The following CCAR1 variants were observed in gnomAD, a reference collection of about 807,000 sequenced individuals.
CCAR1 encodes cell division cycle and apoptosis regulator 1.
In CCAR1, 78 loss-of-function variants were observed where a neutral mutation model predicts 163.8. The ratio of observed to expected loss-of-function variants is 0.48; its 90% CI spans 0.40 to 0.57. The LOEUF is 0.57. CCAR1 is among the 20% of genes least tolerant of loss of function. The probability of loss-of-function intolerance (pLI) is 0.00; values close to 1 mark genes in which losing one functional copy is unlikely to be tolerated. For synonymous variants in CCAR1, 443 were observed against 460.7 expected (o/e 0.96, Z 0.49); for missense variants, 1,019 against 1,365.2 (o/e 0.75, Z 4.00).
At chr10:68,745,388 A>G (rs1242532713) in intron 6 of CCAR1, among the ~76,000 whole-genome samples, 1 of 151,414 alleles carries the variant, frequency 6.6e-6, no homozygotes, top group African/African-American at 2.4e-5. Context: ...TGCAGCCTCA[A>G]ATTCCCAGGT....
intron 2 of CCAR1, among the ~76,000 whole-genome samples, chr10:68,725,066 G>A (rs1011082882): frequency 3.9e-5 from 6 of 152,102 alleles, no homozygotes; most frequent in South Asian, 2.1e-4. Context: ...TGAACCCGGC[G>A]GAGGTTGCGG....
rs1446614144 is a variant in CCAR1 at position 68,742,468 on chromosome 10, A to G, written c.417A>G (p.Gln139=). 2 of 1,614,234 alleles carry G rather than the reference A, an allele frequency of 1.2e-6. No homozygotes were observed. Among genetic ancestry groups the G allele is most frequent in the South Asian group, 1.1e-5 (1 of 91,086 alleles). ...TVSYPTPRSS[Q]QQTQPQKQRV... The stretch of plus-strand genomic sequence containing the variant: ...CATATCCAACACCAAGGTCCAGTCA[A>G]CAGCAAACCCAGCCTCAGAAGCAGC... The change falls in exon 6 of 25, where the codon CAA becomes CAG. Residue 139 remains glutamine (Q), a synonymous_variant. Transcript: ENST00000265872.
chr10:68,721,605 G>T, intron 1 of CCAR1: 1 of 446,460 alleles, frequency 2.2e-6, no homozygotes, highest in Non-Finnish European at 4.5e-6. Flanking sequence ...TGGCCCCCCG[G>T]CCCGGGACAT....
At chr10:68,774,936 G>GTTT (rs571785279) in intron 19 of CCAR1, 19 of 311,974 alleles carry the variant, frequency 6.1e-5, no homozygotes, top group East Asian at 2.3e-4. Context: ...AGTTCTTTTT[G>GTTT]TTTTTTTTTT....
chr10:68,726,672 C>G (rs1375198109), intron 2 of CCAR1, among the ~76,000 whole-genome samples: 1 of 152,042 alleles, frequency 6.6e-6, no homozygotes, highest in Non-Finnish European at 1.5e-5. Flanking sequence ...TCCATCAGAT[C>G]TGATATTCCT....
chr10:68,745,675 T>G (rs1402449511), intron 6 of CCAR1, among the ~76,000 whole-genome samples: 9 of 151,258 alleles, frequency 6.0e-5, no homozygotes, highest in Admixed American at 5.9e-4. Context: ...TGTTGACCAG[T>G]CTGGTCTTGA....
chr10:68,749,543 A>G lies in CCAR1; in HGVS notation c.976A>G (p.Arg326Gly), dbSNP rs2056304037. 1.2e-6 allele frequency: 2 copies of G among 1,613,034 alleles called. No homozygotes were observed. Among genetic ancestry groups the G allele is most frequent in the South Asian group, 1.1e-5 (1 of 90,844 alleles). Residue 326 changes from arginine to glycine, a missense_variant, in exon 10 of 25, where the codon AGA (arginine) becomes GGA (glycine). Physicochemically the swap from Arg to Gly is moderately radical, Grantham distance 125. Around this residue, in one of 4 missense-constraint regions of CCAR1, gnomAD observed 644 missense variants for 904.4 expected, o/e 0.71. Transcript: ENST00000265872. ...TTTCAGTCGTGAGAGAGAGAGAGAA[A>G]GACGTAGATCGAGAGAAAGATCACC... is the stretch of plus-strand genomic sequence containing the variant. ...DDRSRERERE[R>G]RRSRERSPQR... is the part of the protein sequence containing the mutation.
At chr10:68,787,539 A>G (rs1199449819) in intron 21 of CCAR1, among the ~76,000 whole-genome samples, 3 of 152,070 alleles carry the variant, frequency 2.0e-5, no homozygotes, top group Non-Finnish European at 2.9e-5. Flanking sequence ...GATTTCCATC[A>G]TAAGTGAAAA....
chr10:68,775,319 A>G (rs902786111), intron 19 of CCAR1, among the ~76,000 whole-genome samples: 2 of 152,134 alleles, frequency 1.3e-5, no homozygotes, highest in African/African-American at 4.8e-5. Flanking sequence ...CAGTGACATA[A>G]TATTCATACA....
intron 16 of CCAR1, among the ~76,000 whole-genome samples, chr10:68,762,050 C>T (rs941432503): frequency 1.3e-5 from 2 of 151,950 alleles, no homozygotes; most frequent in African/African-American, 4.8e-5. Context: ...GGTAAAAAGG[C>T]CGGGAGCGGT....
At chr10:68,737,161 CT>C in intron 3 of CCAR1, 113 bp downstream of exon 3, 1 of 742,866 alleles carries the variant, frequency 1.3e-6, no homozygotes, top group East Asian at 2.7e-5. Flanking sequence ...TTTTATTATG[CT>C]GATTTCTTTT....
At position 68,757,705 on chromosome 10, in the gene CCAR1, C is replaced by T. The variant is rs1386360877; in HGVS notation, c.1920+328C>T. ...TGCTGGGATTACAGGCATGAGCTGC[C>T]GTGCCTGGCCAATTGTATTTATATA... is the stretch of plus-strand genomic sequence containing the variant. On this transcript the variant is annotated intron_variant, in intron 15 of 24. Coordinates refer to ENST00000265872, the MANE Select transcript of CCAR1 (RefSeq NM_018237.4). 2.6e-5 allele frequency among the ~76,000 whole-genome samples: 4 copies of T among 152,078 alleles called. No homozygotes were observed. The East Asian group carries it at 5.8e-4, about 22-fold the overall frequency.
intron 6 of CCAR1, among the ~76,000 whole-genome samples, chr10:68,745,075 G>T (rs529192886): frequency 2.0e-5 from 3 of 151,912 alleles, no homozygotes; most frequent in African/African-American, 7.3e-5. Context: ...GTGCAATCTT[G>T]GCTCACTGTA....
In CCAR1 at chr10:68,747,404, ACTC is replaced by A; in HGVS notation, c.670_672del (p.Pro224del). 2 of 1,613,418 alleles carry A rather than the reference ACTC, an allele frequency of 1.2e-6. No individual in the cohort carries two copies. Among genetic ancestry groups the A allele is most frequent in the African/African-American group, 1.3e-5 (1 of 74,822 alleles). On this transcript the variant is annotated inframe_deletion, in exon 8 of 25. Transcript: ENST00000265872. ...GTCGCAAACCCAGCCATTACTGAAG[ACTC>A]CTCCTGCTGTACTTCAGCCAATTGC...
chr10:68,777,345 A>G (rs766252024), intron 19 of CCAR1, among the ~76,000 whole-genome samples: 9 of 152,090 alleles, frequency 5.9e-5, no homozygotes, highest in East Asian at 5.8e-4. Context: ...CTTTTGTTCA[A>G]ATTCTTCCAG....
At chr10:68,790,987 C>T (rs1231350955) in intron 24 of CCAR1, among the ~76,000 whole-genome samples, 3 of 151,952 alleles carry the variant, frequency 2.0e-5, no homozygotes. Context: ...CATGAGCCAC[C>T]ACACCTGCCC....
In CCAR1 at chr10:68,761,135, G is replaced by A. The variant is rs377429137; in HGVS notation, c.2049G>A (p.Glu683=). The change falls in exon 16 of 25, where the codon GAG becomes GAA. Residue 683 remains glutamate, a synonymous_variant. Coordinates refer to ENST00000265872, the MANE Select transcript of CCAR1 (RefSeq NM_018237.4). ...EEQKEEQKEL[E]KSEKEEDEDD... ...AAAAAGAAGAACAGAAGGAGTTAGA[G>A]AAATCTGAAAAAGAAGAGGATGAGG... 3.8e-5 allele frequency: 61 copies of A among 1,609,296 alleles called. No homozygotes were observed. The highest frequency in any genetic ancestry group is 5.1e-5 in the Admixed American group (3 of 58,872).
At position 68,749,697 on chromosome 10, in the gene CCAR1, C is replaced by A. The variant is rs753932151; in HGVS notation, c.1118+12C>A. On this transcript the variant is annotated intron_variant, in intron 10 of 24. Transcript: ENST00000265872. Reference sequence around the variant, plus strand: ...TTTTCTTTAGATTGGTAGGTTATTCCCCACCCATTGTTTTCTTGAGTTACT... The same window carrying A: ...TTTTCTTTAGATTGGTAGGTTATTCACCACCCATTGTTTTCTTGAGTTACT... 6.3e-7 allele frequency: 1 copy of A among 1,586,914 alleles called. No homozygotes were observed. The highest frequency in any genetic ancestry group is 1.1e-5 in the South Asian group (1 of 88,864).
chr10:68,749,248 C>T lies in CCAR1; in HGVS notation c.939C>T (p.Asn313=). ...GRNDRGDQVP[N]RKDDRSRERE... Reference sequence around the variant, plus strand: ...ATGACAGAGGGGATCAAGTGCCTAACAGAAAAGATGATCGAAGGTATATTT... The same window carrying T: ...ATGACAGAGGGGATCAAGTGCCTAATAGAAAAGATGATCGAAGGTATATTT... The change falls in exon 9 of 25, where the codon AAC becomes AAT. Residue 313 remains asparagine (N), a synonymous_variant. Coordinates refer to ENST00000265872, the MANE Select transcript of CCAR1 (RefSeq NM_018237.4). 6.2e-7 allele frequency: 1 copy of T among 1,608,862 alleles called. No homozygotes were observed. The highest frequency in any genetic ancestry group is 8.5e-7 in the Non-Finnish European group (1 of 1,178,750).
Sources: gnomAD v4.1 joint callset for allele counts (sites outside exome capture counted in the v4.1 genomes callset) on GRCh38, gnomAD v4.1.1 for gene constraint, gnomAD v4.1.1 regional missense constraint, MANE v1.5 for transcripts, NCBI Gene and HGNC (gene_info 2026-07-23, HGNC 2026-07-21) for gene names.